Variants in ADAMTS8 observed in about 807,000 individuals in gnomAD.
ADAMTS8 encodes ADAM metallopeptidase with thrombospondin type 1 motif 8.
Under a neutral mutation model 64.4 loss-of-function variants are expected in ADAMTS8, and 50 were observed. The ratio of observed to expected loss-of-function variants is 0.78; its 90% CI spans 0.62 to 0.98. The LOEUF (loss-of-function observed/expected upper bound fraction) is 0.98. ADAMTS8 is among the 50% of genes least tolerant of loss of function. The pLI, the probability that ADAMTS8 is intolerant of heterozygous loss-of-function variation, is 0.00. For synonymous variants in ADAMTS8, 556 were observed against 533.6 expected (o/e 1.04, Z -0.58); for missense variants, 1,192 against 1,208.2 (o/e 0.99, Z 0.20).
chr11:130,405,290 C>T lies in ADAMTS8; in HGVS notation c.*268G>A. The stretch of plus-strand genomic sequence containing the variant: ...AGTGTCCTGTCTGAGTCAATAAGTG[C>T]ACTTTTACCTTTTAACCTATGCCCT... On this transcript the variant is annotated 3_prime_UTR_variant, in exon 9 of 9. Transcript: ENST00000257359. 2.4e-6 allele frequency: 3 copies of T among 1,255,336 alleles called. 1 individual carries two copies. Among genetic ancestry groups the T allele is most frequent in the South Asian group, 6.9e-5 (2 of 29,000 alleles). The allele number at this position is 1,255,336 out of a possible 1,614,324, so 77.8% of individuals were successfully genotyped here. A position where few individuals can be genotyped will look rare whatever the true frequency, so the allele number is the denominator to read the frequency against.
Position 130,423,233 on chromosome 11 carries a change from C to T in ADAMTS8, c.721-3941G>A, listed in dbSNP as rs1187324450. Among the ~76,000 whole-genome samples the T allele has an allele frequency of 7.2e-5, 11 of 152,150 alleles. No homozygotes were observed. The East Asian group carries it at 1.3e-3, about 19-fold the overall frequency. On this transcript the variant is annotated intron_variant, in intron 1 of 8. Transcript: ENST00000257359. The stretch of plus-strand genomic sequence containing the variant: ...CACCTCCTGGGAGATGGGGAAGGGG[C>T]GATCTTTGGACACTGAGACATTTTC...
chr11:130,420,445 G>C, intron 1 of ADAMTS8, among the ~76,000 whole-genome samples: 1 of 152,122 alleles, frequency 6.6e-6, no homozygotes, highest in Non-Finnish European at 1.5e-5. Context: ...AGGCAGAGGT[G>C]GGTGTTCCTT....
chr11:130,417,900 C>T (rs930274142), intron 2 of ADAMTS8, among the ~76,000 whole-genome samples: 6 of 149,902 alleles, frequency 4.0e-5, no homozygotes, highest in Non-Finnish European at 8.8e-5. Context: ...AAAATAAAAA[C>T]AGTCTGTAAT....
Position 130,427,557 on chromosome 11 carries a change from T to C in ADAMTS8, c.720+10A>G. ...CGGGCACGGCGGCTGGAGGAGGCTC[T>C]CAGTCCTACCTGCAGGTCGGCCCCG... On this transcript the variant is annotated intron_variant, in intron 1 of 8. Transcript: ENST00000257359. 1 of 1,531,016 alleles carries C rather than the reference T, an allele frequency of 6.5e-7. No homozygotes were observed. The highest frequency in any genetic ancestry group is 8.7e-7 in the Non-Finnish European group (1 of 1,144,518). 94.8% of individuals were successfully genotyped at this position (1,531,016 alleles called of 1,614,324 possible).
Position 130,416,244 on chromosome 11 carries a change from GC to G in ADAMTS8, c.1182del (p.Leu395CysfsTer5), listed in dbSNP as rs772473369. Reference sequence around the variant, plus strand: ...AGCGTCTGGTTCAGGTGGACGAACAGCGGTGCCATCACGTGGTGCTTGCCCA... The same window carrying G: ...AGCGTCTGGTTCAGGTGGACGAACAGGGTGCCATCACGTGGTGCTTGCCCA... ...GPMGKHHVMAPLFVHLNQTLP... is the reference protein window; with the variant it reads ...GPMGKHHVMAXLFVHLNQTLP... On this transcript the variant is annotated frameshift_variant, in exon 4 of 9. Coordinates refer to ENST00000257359, the MANE Select transcript of ADAMTS8 (RefSeq NM_007037.6). LOFTEE classifies it high-confidence loss of function. The surrounding 1 kb of genome is among the most constrained non-coding windows in gnomAD (Gnocchi z 4.8). The G allele has an allele frequency of 9.4e-6, 15 of 1,589,252 alleles. No individual in the cohort carries two copies. The highest frequency in any genetic ancestry group is 1.2e-5 in the Non-Finnish European group (14 of 1,168,572).
chr11:130,407,188 C>T (rs1304864115), intron 8 of ADAMTS8, among the ~76,000 whole-genome samples: 9 of 152,048 alleles, frequency 5.9e-5, no homozygotes, highest in South Asian at 2.1e-4. Context: ...GCCAACATGA[C>T]GAAACCCAGT....
At chr11:130,419,377 T>G in intron 1 of ADAMTS8, 85 bp from the exon 2 acceptor site, 1 of 1,554,148 alleles carries the variant, frequency 6.4e-7, no homozygotes. Context: ...CATCACCTCT[T>G]GTTATGGGGC....
chr11:130,409,618 A>G (rs1324554343), intron 6 of ADAMTS8, among the ~76,000 whole-genome samples: 1 of 152,168 alleles, frequency 6.6e-6, no homozygotes, highest in East Asian at 1.9e-4. Context: ...CACTATATTC[A>G]GGACAATCTG....
At position 130,416,595 on chromosome 11, in the gene ADAMTS8, C is replaced by G. The variant is rs1862028309; in HGVS notation, c.1097-265G>C. Among the ~76,000 whole-genome samples, 1 of 152,220 alleles carries G rather than the reference C, an allele frequency of 6.6e-6. No individual in the cohort carries two copies. Among genetic ancestry groups the G allele is most frequent in the African/African-American group, 2.4e-5 (1 of 41,456 alleles). On this transcript the variant is annotated intron_variant, in intron 3 of 8. Coordinates refer to ENST00000257359, the MANE Select transcript of ADAMTS8 (RefSeq NM_007037.6). This position sits in a 1 kb window ranked among gnomAD's most constrained non-coding sequence, Gnocchi z 4.8. ...TATTTGCCCTCTCACATGACAGTCC[C>G]TGGACCATTGTTCTTCCCCCAGATC...
At position 130,405,155 on chromosome 11, in the gene ADAMTS8, T is replaced by C. The variant is rs2134669321; in HGVS notation, c.*403A>G. On this transcript the variant is annotated 3_prime_UTR_variant, in exon 9 of 9. Transcript: ENST00000257359. Reference sequence around the variant, plus strand: ...CACCATTGACTCCCTGCCCCACGCCTCTCTTGTACTAATTTTTTCCCCTGT... The same window carrying C: ...CACCATTGACTCCCTGCCCCACGCCCCTCTTGTACTAATTTTTTCCCCTGT... 1 of 1,000,990 alleles carries C rather than the reference T, an allele frequency of 1.0e-6. No homozygotes were observed. The highest frequency in any genetic ancestry group is 1.7e-5 in the African/African-American group (1 of 57,788). 62.0% of individuals were successfully genotyped at this position (1,000,990 alleles called of 1,614,324 possible).
chr11:130,421,832 G>C (rs1251897151), intron 1 of ADAMTS8, among the ~76,000 whole-genome samples: 1 of 152,316 alleles, frequency 6.6e-6, no homozygotes, highest in Middle Eastern at 3.4e-3. Context: ...CCTGCGGCTG[G>C]TCAAGGAGGA....
chr11:130,410,293 A>C (rs1861936632), intron 6 of ADAMTS8, among the ~76,000 whole-genome samples: 1 of 152,236 alleles, frequency 6.6e-6, no homozygotes, highest in Non-Finnish European at 1.5e-5. Flanking sequence ...GACAGAGACC[A>C]TGCCTTTTAC....
At chr11:130,424,283 T>A (rs572751260) in intron 1 of ADAMTS8, among the ~76,000 whole-genome samples, 1 of 152,338 alleles carries the variant, frequency 6.6e-6, no homozygotes, top group Non-Finnish European at 1.5e-5. Flanking sequence ...ATCGGTGCTG[T>A]CTGATCCTGA....
intron 5 of ADAMTS8, among the ~76,000 whole-genome samples, chr11:130,412,275 G>A (rs549320017): frequency 8.5e-5 from 13 of 152,218 alleles, no homozygotes; most frequent in Admixed American, 3.9e-4. Context: ...GTTCAAAGGC[G>A]TGATCTCGGC....
chr11:130,413,386 CAA>C (rs1361753733), intron 5 of ADAMTS8, among the ~76,000 whole-genome samples: 1 of 152,126 alleles, frequency 6.6e-6, no homozygotes, highest in Non-Finnish European at 1.5e-5. Context: ...AGGCTTAGGA[CAA>C]GAGTACAGAG....
Position 130,415,969 on chromosome 11 carries a change from G to A in ADAMTS8, c.1264+194C>T, listed in dbSNP as rs138522203. On this transcript the variant is annotated intron_variant, in intron 4 of 8. Transcript: ENST00000257359. ...TGCCTTGTGACTAATCTAAATTAGC[G>A]CAGAACTCGGCTGCTGGAAGATGGG... Among the ~76,000 whole-genome samples the A allele has an allele frequency of 2.3e-3, 345 of 152,286 alleles. 1 individual carries two copies. The highest frequency in any genetic ancestry group is 7.8e-3 in the African/African-American group (324 of 41,552).
At chr11:130,419,552 T>C (rs1406389453) in intron 1 of ADAMTS8, among the ~76,000 whole-genome samples, 4 of 152,252 alleles carry the variant, frequency 2.6e-5, no homozygotes, top group African/African-American at 9.6e-5. Flanking sequence ...CGAACTTGTG[T>C]GTCTAACATC....
At chr11:130,427,441 G>A (rs1344106133) in intron 1 of ADAMTS8, 126 bp downstream of exon 1, 4 of 1,123,030 alleles carry the variant, frequency 3.6e-6, no homozygotes, top group African/African-American at 1.6e-5. Context: ...GAGAAGATGA[G>A]TGGGGAGGGC....
At chr11:130,418,945 G>A in intron 2 of ADAMTS8, 108 bp downstream of exon 2, 1 of 1,539,182 alleles carries the variant, frequency 6.5e-7, no homozygotes, top group Non-Finnish European at 8.8e-7. Context: ...GTCCAGCTGG[G>A]GCCAGCAGGG....
Sources: allele counts gnomAD v4.1 joint callset (sites outside exome capture counted in the v4.1 genomes callset), GRCh38; gene constraint gnomAD v4.1.1; non-coding constraint Gnocchi (gnomAD v3.1); transcripts MANE v1.5; gene names NCBI Gene and HGNC (gene_info 2026-07-23, HGNC 2026-07-21).